The following CREBL2 variants were observed in gnomAD, a reference collection of about 807,000 sequenced individuals.
CREBL2 encodes cAMP responsive element binding protein like 2.
Under a neutral mutation model 19.5 loss-of-function variants are expected in CREBL2, and 4 were observed. The observed-to-expected ratio is 0.20, with a 90% CI of 0.10 to 0.47. The LOEUF is 0.47. CREBL2 is among the 20% of genes least tolerant of loss of function. The probability of loss-of-function intolerance (pLI) is 0.98; values close to 1 mark genes in which losing one functional copy is unlikely to be tolerated. For synonymous variants in CREBL2, 42 were observed against 46.6 expected (o/e 0.90, Z 0.40); for missense variants, 85 against 145.1 (o/e 0.59, Z 2.13).
At chr12:12,615,694 AG>A (rs1945306223) in intron 1 of CREBL2, 1 of 151,760 alleles carries the variant, frequency 6.6e-6, no homozygotes, top group African/African-American at 2.4e-5. Context: ...GGGCTTCACT[AG>A]GTTGGCCAGG....
At chr12:12,618,490 G>T (rs1326366983) in intron 1 of CREBL2, among the ~76,000 whole-genome samples, 1 of 151,470 alleles carries the variant, frequency 6.6e-6, no homozygotes, top group Non-Finnish European at 1.5e-5. Flanking sequence ...GGGCAGAGAC[G>T]CTCCTCACTT....
rs869253910 is a variant in CREBL2 at position 12,632,068 on chromosome 12, CTTTTTT to C, written c.16-3687_16-3682del. Reference sequence around the variant, plus strand: ...CCTTGGATTCATATACTATGCCTTTCTTTTTTTTTTTTTTTTTTTTTTTTTTTGAGA... The same window carrying C: ...CCTTGGATTCATATACTATGCCTTTCTTTTTTTTTTTTTTTTTTTTTGAGA... On this transcript the variant is annotated intron_variant, in intron 1 of 3. Coordinates refer to ENST00000228865, the MANE Select transcript of CREBL2 (RefSeq NM_001310.4). Among the ~76,000 whole-genome samples the C allele has an allele frequency of 8.7e-5, 7 of 80,626 alleles. No individual in the cohort carries two copies. In the East Asian group the frequency reaches 1.3e-3, roughly 15 times the overall value. 52.9% of individuals were successfully genotyped at this position (80,626 alleles called of 152,430 possible).
intron 3 of CREBL2, among the ~76,000 whole-genome samples, chr12:12,641,253 A>ATTATTTTTTTTTTTTTTT (rs1478394376): frequency 3.8e-5 from 3 of 78,262 alleles, no homozygotes; most frequent in Non-Finnish European, 7.5e-5. Flanking sequence ...TATTATTATT[A>ATTATTTTTTTTTTTTTTT]TTTTTTTTTA....
intron 1 of CREBL2, among the ~76,000 whole-genome samples, chr12:12,631,291 T>C (rs973054636): frequency 6.6e-6 from 1 of 152,232 alleles, no homozygotes; most frequent in Non-Finnish European, 1.5e-5. Context: ...GTCTTTATTG[T>C]TTCCCTTGGG....
intron 1 of CREBL2, among the ~76,000 whole-genome samples, chr12:12,631,251 T>G (rs1945440039): frequency 6.6e-6 from 1 of 152,220 alleles, no homozygotes; most frequent in Non-Finnish European, 1.5e-5. Flanking sequence ...AGCGGGTTTC[T>G]TTTCTAAGTG....
rs1209372955 is a variant in CREBL2, at chr12:12,619,779, A to G, written c.15+7592A>G. Among the ~76,000 whole-genome samples the G allele has an allele frequency of 2.6e-5, 4 of 152,246 alleles. No homozygotes were observed. The East Asian group carries it at 7.7e-4, about 29-fold the overall frequency. ...TGAATTGAAATATCCTAAGGCGTCA[A>G]GATCCAGTTGAGGGACTGATGCAGG... On this transcript the variant is annotated intron_variant, in intron 1 of 3. Transcript: ENST00000228865.
chr12:12,612,581 C>G (rs1592235411), intron 1 of CREBL2, among the ~76,000 whole-genome samples: 1 of 152,262 alleles, frequency 6.6e-6, no homozygotes, highest in African/African-American at 2.4e-5. Flanking sequence ...TTCCCCTTCT[C>G]TCAGGCTCCC....
Position 12,637,631 on chromosome 12 carries a change from T to TC in CREBL2, c.276dup (p.Thr93HisfsTer24). ...ATCCCTTCTGAAATAAAGGCCCTAC[T>TC]CACTGGAGAAGAGCAGAACAAATCT... is the stretch of plus-strand genomic sequence containing the variant. On this transcript the variant is annotated frameshift_variant, in exon 3 of 4. Coordinates refer to ENST00000228865, the MANE Select transcript of CREBL2 (RefSeq NM_001310.4). LOFTEE classifies it high-confidence loss of function. 2 of 1,613,376 alleles carry TC rather than the reference T, an allele frequency of 1.2e-6. No individual in the cohort carries two copies. The highest frequency in any genetic ancestry group is 1.7e-6 in the Non-Finnish European group (2 of 1,179,502).
chr12:12,643,314 C>T lies in CREBL2; in HGVS notation c.*1316C>T, dbSNP rs1945539899. The T allele has an allele frequency of 6.6e-6, 1 of 152,594 alleles. No homozygotes were observed. The highest frequency in any genetic ancestry group is 2.4e-5 in the African/African-American group (1 of 41,442). The allele number at this position is 152,594 out of a possible 1,614,324, so 9.5% of individuals were successfully genotyped here. ...AGAATCAAGCTCATAATATGATACA[C>T]CCAGACAGACCCAGAAATCTTTTGA... On this transcript the variant is annotated 3_prime_UTR_variant, in exon 4 of 4. Coordinates refer to ENST00000228865, the MANE Select transcript of CREBL2 (RefSeq NM_001310.4).
intron 1 of CREBL2, among the ~76,000 whole-genome samples, chr12:12,628,603 G>A (rs1945420339): frequency 1.3e-5 from 2 of 151,934 alleles, no homozygotes; most frequent in African/African-American, 4.8e-5. Context: ...TGACATTTAG[G>A]CCTTTGTTCT....
chr12:12,640,465 T>A (rs796768964), intron 3 of CREBL2, among the ~76,000 whole-genome samples: 9 of 152,316 alleles, frequency 5.9e-5, no homozygotes, highest in African/African-American at 2.2e-4. Context: ...TAAAAATCAC[T>A]GTTATTCTGT....
At chr12:12,633,357 C>T (rs941825057) in intron 1 of CREBL2, among the ~76,000 whole-genome samples, 5 of 152,044 alleles carry the variant, frequency 3.3e-5, no homozygotes, top group Admixed American at 1.3e-4. Context: ...ATCGGTTGAA[C>T]CTAGGAGCAG....
intron 1 of CREBL2, chr12:12,614,801 C>T: frequency 2.6e-6 from 1 of 381,566 alleles, no homozygotes; most frequent in Admixed American, 2.8e-5. Context: ...CAACAGAATG[C>T]TGGGTAACAT....
intron 1 of CREBL2, among the ~76,000 whole-genome samples, chr12:12,612,465 G>A (rs1945275099): frequency 1.3e-5 from 2 of 152,094 alleles, no homozygotes; most frequent in South Asian, 2.1e-4. Context: ...CTTGCCTGTC[G>A]AGATAAGAAA....
chr12:12,618,315 G>A (rs1945330262), intron 1 of CREBL2, among the ~76,000 whole-genome samples: 2 of 151,598 alleles, frequency 1.3e-5, no homozygotes, highest in Non-Finnish European at 1.5e-5. Flanking sequence ...CTTCTCAGAC[G>A]GGGCAGCCGG....
At chr12:12,634,883 C>T (rs1421327930) in intron 1 of CREBL2, among the ~76,000 whole-genome samples, 1 of 152,018 alleles carries the variant, frequency 6.6e-6, no homozygotes, top group Non-Finnish European at 1.5e-5. Flanking sequence ...TAGCAAGACA[C>T]CATCTCTACA....
intron 1 of CREBL2, among the ~76,000 whole-genome samples, chr12:12,618,815 G>T (rs368589247): frequency 6.6e-6 from 1 of 152,228 alleles, no homozygotes; most frequent in Admixed American, 6.5e-5. Flanking sequence ...GATCACTCGC[G>T]GTCAGGAGCT....
chr12:12,612,226 C>T (rs561313853), intron 1 of CREBL2, 39 bp downstream of exon 1: 1 of 1,613,280 alleles, frequency 6.2e-7, no homozygotes. Context: ...GCCTTCTTGT[C>T]GCTCAATGCT....
chr12:12,636,837 C>T (rs931215489), intron 2 of CREBL2, among the ~76,000 whole-genome samples: 6 of 152,098 alleles, frequency 3.9e-5, no homozygotes, highest in African/African-American at 1.4e-4. Context: ...TTATTGTGAG[C>T]TGAGGGAGGA....
Sources: gnomAD v4.1 joint callset for allele counts (sites outside exome capture counted in the v4.1 genomes callset) on GRCh38, gnomAD v4.1.1 for gene constraint, MANE v1.5 for transcripts, NCBI Gene and HGNC (gene_info 2026-07-23, HGNC 2026-07-21) for gene names.